The following CCNF variants were observed in gnomAD, a reference collection of about 807,000 sequenced individuals.
The protein encoded by CCNF is cyclin-F.
CCNF carries 30 observed loss-of-function variants against 85.4 expected under a neutral mutation model. That is an observed-to-expected ratio of 0.35 (90% CI 0.26 to 0.48). The LOEUF is 0.48. CCNF is among the 20% of genes least tolerant of loss of function. The pLI, the probability that CCNF is intolerant of heterozygous loss-of-function variation, is 0.99. For missense variants in CCNF, 919 were observed against 1,010.4 expected (o/e 0.91, Z 1.23); for synonymous variants, 439 against 425.1 (o/e 1.03, Z -0.40).
chr16:2,444,936 A>AG (rs2065353223), intron 9 of CCNF, among the ~76,000 whole-genome samples: 1 of 146,568 alleles, frequency 6.8e-6, no homozygotes, highest in Admixed American at 6.9e-5. Context: ...TCTGTCACCC[A>AG]GGGTGGAGTG....
At chr16:2,448,736 C>A in intron 10 of CCNF, 119 bp from the exon 11 acceptor site, 1 of 886,218 alleles carries the variant, frequency 1.1e-6, no homozygotes, top group Non-Finnish European at 1.8e-6. Flanking sequence ...TGTTTGTCAC[C>A]AAAGCCCAAC....
At chr16:2,449,776 A>T in intron 12 of CCNF, 52 bp from the exon 13 acceptor site, 1 of 383,528 alleles carries the variant, frequency 2.6e-6, no homozygotes. Context: ...CGTCCCCTCC[A>T]TCCCCTCCGT....
chr16:2,452,237 C>T lies in CCNF; in HGVS notation c.1488-973C>T, dbSNP rs1210092656. ...TGGGGGTCTCGATGCCCTTGAGCAG[C>T]CCCTTCTGTGGCCCATCTGCTTTTT... On this transcript the variant is annotated intron_variant, in intron 13 of 16. Transcript: ENST00000397066. This position sits in a 1 kb window ranked among gnomAD's most constrained non-coding sequence, Gnocchi z 4.1. 6.6e-6 allele frequency among the ~76,000 whole-genome samples: 1 copy of T among 152,202 alleles called. No individual in the cohort carries two copies. The highest frequency in any genetic ancestry group is 1.5e-5 in the Non-Finnish European group (1 of 68,032).
intron 15 of CCNF, among the ~76,000 whole-genome samples, chr16:2,454,759 T>C (rs985345604): frequency 1.8e-4 from 28 of 152,174 alleles, no homozygotes; most frequent in Admixed American, 1.8e-3. Flanking sequence ...GCCTGCACCT[T>C]ATTAATCAAC....
intron 7 of CCNF, 142 bp from the exon 8 acceptor site, chr16:2,439,607 A>T: frequency 1.1e-6 from 1 of 913,998 alleles, no homozygotes; most frequent in Non-Finnish European, 1.7e-6. Context: ...TCAGTCGGCT[A>T]TTCTTGGTAC....
rs542866346 is a variant in CCNF at position 2,434,597 on chromosome 16, C to T, written c.279-1209C>T. On this transcript the variant is annotated intron_variant, in intron 3 of 16. Coordinates refer to ENST00000397066, the MANE Select transcript of CCNF (RefSeq NM_001761.3). ...CTGCACTCCAGCCTGAGCAACAGAG[C>T]GAGACTCCGTCTCAAAATAAATAAA... is the stretch of plus-strand genomic sequence containing the variant. Among the ~76,000 whole-genome samples the T allele has an allele frequency of 2.0e-4, 30 of 152,216 alleles. 1 individual carries two copies. In the South Asian group the frequency reaches 2.9e-3, roughly 15 times the overall value.
At chr16:2,448,179 T>C (rs2065372558) in intron 10 of CCNF, among the ~76,000 whole-genome samples, 1 of 152,206 alleles carries the variant, frequency 6.6e-6, no homozygotes, top group Admixed American at 6.5e-5. Context: ...AATTCCTAGA[T>C]CTGGTGACTC....
chr16:2,453,317 C>T lies in CCNF; in HGVS notation c.1587+8C>T, dbSNP rs2065405182. On this transcript the variant is annotated splice_region_variant and intron_variant, in intron 14 of 16. Coordinates refer to ENST00000397066, the MANE Select transcript of CCNF (RefSeq NM_001761.3). The surrounding 1 kb of genome is among the most constrained non-coding windows in gnomAD (Gnocchi z 5.6). Reference sequence around the variant, plus strand: ...GAAATCAGCCAGGAAGAGGTGCCTCCCTCCCGCCACCTGGGCGTCTCATGG... The same window carrying T: ...GAAATCAGCCAGGAAGAGGTGCCTCTCTCCCGCCACCTGGGCGTCTCATGG... 6.8e-6 allele frequency: 11 copies of T among 1,613,730 alleles called. No homozygotes were observed. Among genetic ancestry groups the T allele is most frequent in the Non-Finnish European group, 7.6e-6 (9 of 1,180,012 alleles).
Position 2,456,787 on chromosome 16 carries a change from C to T in CCNF, c.2128C>T (p.Pro710Ser). The stretch of plus-strand genomic sequence containing the variant: ...GTACTCCTCCGTCAGCACCGCAAGT[C>T]CCACAAGCTCCGTGGACGGTGGCTT... ...SGYSSVSTAS[P>S]TSSVDGGLGA... Residue 710 changes from proline to serine, a missense_variant, in exon 17 of 17, where the codon CCC (proline) becomes TCC (serine). This residue lies in a region of CCNF where 505 missense variants were observed against 514.8 expected (regional missense o/e 0.98). Transcript: ENST00000397066. The surrounding 1 kb of genome is among the most constrained non-coding windows in gnomAD (Gnocchi z 4.5). 2 of 1,613,708 alleles carry T rather than the reference C, an allele frequency of 1.2e-6. No individual in the cohort carries two copies. The highest frequency in any genetic ancestry group is 1.1e-5 in the South Asian group (1 of 91,054).
At position 2,431,289 on chromosome 16, in the gene CCNF, G is replaced by C. The variant is rs1567381630; in HGVS notation, c.171+5G>C. On this transcript the variant is annotated splice_donor_5th_base_variant and intron_variant, in intron 2 of 16. Transcript: ENST00000397066. ...GACATCCTGGCCGTCCGAGCTGTAA[G>C]TCCCTGCATGAAAACACTATGAGCC... 1 of 1,613,724 alleles carries C rather than the reference G, an allele frequency of 6.2e-7. No individual in the cohort carries two copies. The highest frequency in any genetic ancestry group is 8.5e-7 in the Non-Finnish European group (1 of 1,179,828).
chr16:2,441,344 C>T lies in CCNF; in HGVS notation c.777+1518C>T, dbSNP rs545673424. ...CTGCGAGGTCAAAGCTGCAGAGAGCCGTGATCGCAACATTGCACTTCAGCC... is the reference window on the plus strand; with the variant it reads ...CTGCGAGGTCAAAGCTGCAGAGAGCTGTGATCGCAACATTGCACTTCAGCC... On this transcript the variant is annotated intron_variant, in intron 8 of 16. Transcript: ENST00000397066. Among the ~76,000 whole-genome samples the T allele has an allele frequency of 2.9e-3, 440 of 152,198 alleles. 1 individual carries two copies. Among genetic ancestry groups the T allele is most frequent in the Non-Finnish European group, 4.1e-3 (281 of 68,014 alleles).
chr16:2,455,983 G>A (rs1477035526), intron 16 of CCNF, among the ~76,000 whole-genome samples: 1 of 152,204 alleles, frequency 6.6e-6, no homozygotes, highest in East Asian at 1.9e-4. Flanking sequence ...ACCAGCCTGG[G>A]TGACACAGCA....
chr16:2,430,247 G>A (rs1390457093), intron 1 of CCNF, among the ~76,000 whole-genome samples: 1 of 152,042 alleles, frequency 6.6e-6, no homozygotes, highest in Non-Finnish European at 1.5e-5. Flanking sequence ...AAGGAAGGAT[G>A]GATAGAAAGG....
intron 5 of CCNF, 143 bp downstream of exon 5, chr16:2,437,465 G>A: frequency 3.2e-6 from 2 of 621,922 alleles, no homozygotes; most frequent in East Asian, 5.8e-5. Context: ...TGCAGATATG[G>A]GGAACGCATC....
intron 3 of CCNF, among the ~76,000 whole-genome samples, chr16:2,435,107 C>T (rs921079886): frequency 5.3e-5 from 8 of 151,764 alleles, no homozygotes; most frequent in African/African-American, 1.9e-4. Context: ...AAAAATTAGA[C>T]AGGCGTGGTG....
chr16:2,438,583 A>G (rs2065304230), intron 6 of CCNF, among the ~76,000 whole-genome samples: 1 of 151,020 alleles, frequency 6.6e-6, no homozygotes, highest in African/African-American at 2.4e-5. Flanking sequence ...CGGAGGTTGC[A>G]GTGAGCCGAG....
chr16:2,431,287 A>G lies in CCNF; in HGVS notation c.171+3A>G, dbSNP rs536951280. The G allele has an allele frequency of 5.8e-5, 94 of 1,613,788 alleles. No homozygotes were observed. In the South Asian group the frequency reaches 9.8e-4, roughly 17 times the overall value. Reference sequence around the variant, plus strand: ...AGGACATCCTGGCCGTCCGAGCTGTAAGTCCCTGCATGAAAACACTATGAG... The same window carrying G: ...AGGACATCCTGGCCGTCCGAGCTGTGAGTCCCTGCATGAAAACACTATGAG... On this transcript the variant is annotated splice_donor_region_variant and intron_variant, in intron 2 of 16. Transcript: ENST00000397066.
rs2065441466 is a variant in CCNF, at chr16:2,458,223, A to T, written c.*1203A>T. ...TGTTTACTCTGCAAATGTAAGAAAG[A>T]ACCACTTGGCCAGAAGTGTCCCCCA... On this transcript the variant is annotated 3_prime_UTR_variant, in exon 17 of 17. Coordinates refer to ENST00000397066, the MANE Select transcript of CCNF (RefSeq NM_001761.3). The T allele has an allele frequency of 6.6e-6, 1 of 151,054 alleles. No homozygotes were observed. The highest frequency in any genetic ancestry group is 2.4e-5 in the African/African-American group (1 of 40,984). 9.4% of individuals were successfully genotyped at this position (151,054 alleles called of 1,614,324 possible).
At position 2,455,542 on chromosome 16, in the gene CCNF, T is replaced by C; in HGVS notation, c.1863T>C (p.Ser621=). Reference sequence around the variant, plus strand: ...CTGGCTATGAAGGCGACCAGGAGAGTGAGGGCGAGAAGGAGGGCGACGGTG... The same window carrying C: ...CTGGCTATGAAGGCGACCAGGAGAGCGAGGGCGAGAAGGAGGGCGACGGTG... ...CCSGYEGDQE[S]EGEKEGDVTA... is the part of the protein sequence containing the mutation. Residue 621 remains serine (S), a synonymous_variant, in exon 16 of 17, where the codon AGT becomes AGC. Transcript: ENST00000397066. 6.3e-7 allele frequency: 1 copy of C among 1,595,148 alleles called. No individual in the cohort carries two copies. The highest frequency in any genetic ancestry group is 8.6e-7 in the Non-Finnish European group (1 of 1,166,416).
Sources: gnomAD v4.1 joint callset for allele counts (sites outside exome capture counted in the v4.1 genomes callset) on GRCh38, gnomAD v4.1.1 for gene constraint, gnomAD v4.1.1 regional missense constraint, Gnocchi (gnomAD v3.1) non-coding constraint, MANE v1.5 for transcripts, NCBI Gene and HGNC (gene_info 2026-07-23, HGNC 2026-07-21) for gene names.